Variants in PLCL1 observed in about 807,000 individuals in gnomAD.
PLCL1 encodes phospholipase C like 1 (inactive).
PLCL1 carries 41 observed loss-of-function variants against 84.4 expected under a neutral mutation model. That is an observed-to-expected ratio of 0.49 (90% CI 0.38 to 0.63). The LOEUF (loss-of-function observed/expected upper bound fraction) is 0.63. Among genes scored for constraint, PLCL1 ranks in the 30% least tolerant of loss-of-function variants. The probability of loss-of-function intolerance (pLI) is 0.00; values close to 1 mark genes in which losing one functional copy is unlikely to be tolerated. For synonymous variants in PLCL1, 490 were observed against 488.3 expected, an observed-to-expected ratio of 1.00 and a Z score of -0.05; for missense variants, 1,206 against 1,367.8, an observed-to-expected ratio of 0.88 and a Z score of 1.87.
chr2:197,860,466 A>G (rs1351336383), intron 1 of PLCL1, among the ~76,000 whole-genome samples: 1 of 152,196 alleles, frequency 6.6e-6, no homozygotes, highest in Non-Finnish European at 1.5e-5. Context: ...GCTTTCCACA[A>G]TGGTTGAACT....
At chr2:197,886,835 G>T (rs530569789) in intron 1 of PLCL1, among the ~76,000 whole-genome samples, 1 of 152,150 alleles carries the variant, frequency 6.6e-6, no homozygotes, top group Non-Finnish European at 1.5e-5. Context: ...GGTTTAGCTC[G>T]GGGCAGTAGG....
chr2:197,981,368 A>G (rs966189448), intron 1 of PLCL1, among the ~76,000 whole-genome samples: 10 of 152,250 alleles, frequency 6.6e-5, no homozygotes, highest in Non-Finnish European at 1.5e-5. Flanking sequence ...AAGTTAGGAA[A>G]GAGCAAAATC....
At chr2:198,103,536 T>C (rs982824056) in intron 4 of PLCL1, among the ~76,000 whole-genome samples, 1 of 152,030 alleles carries the variant, frequency 6.6e-6, no homozygotes, top group African/African-American at 2.4e-5. Flanking sequence ...TATTCATTCT[T>C]CCTATTTTTT....
chr2:197,950,187 G>A (rs149222083), intron 1 of PLCL1, among the ~76,000 whole-genome samples: 43 of 152,230 alleles, frequency 2.8e-4, no homozygotes, highest in African/African-American at 1.4e-4. Context: ...CATTAAACCC[G>A]TGCTTCTGAC....
At chr2:197,971,373 A>G (rs1689860136) in intron 1 of PLCL1, among the ~76,000 whole-genome samples, 1 of 152,246 alleles carries the variant, frequency 6.6e-6, no homozygotes, top group African/African-American at 2.4e-5. Context: ...AAGGAACAAC[A>G]TACCTTAACA....
intron 1 of PLCL1, among the ~76,000 whole-genome samples, chr2:197,869,570 A>G (rs1687612223): frequency 6.6e-6 from 1 of 152,156 alleles, no homozygotes; most frequent in Non-Finnish European, 1.5e-5. Context: ...GATCATGTGA[A>G]GGAAGGAACA....
chr2:197,892,770 G>A (rs186915989), intron 1 of PLCL1, among the ~76,000 whole-genome samples: 97 of 152,176 alleles, frequency 6.4e-4, no homozygotes, highest in African/African-American at 2.2e-3. Context: ...TGAGGTGGGC[G>A]GATCACGAGG....
chr2:198,006,749 C>T (rs1221625788), intron 1 of PLCL1, among the ~76,000 whole-genome samples: 1 of 152,108 alleles, frequency 6.6e-6, no homozygotes, highest in Non-Finnish European at 1.5e-5. Flanking sequence ...AAGAATGAGA[C>T]TAGAGCATTT....
intron 1 of PLCL1, among the ~76,000 whole-genome samples, chr2:198,006,107 T>C (rs1459721935): frequency 6.6e-6 from 1 of 152,196 alleles, no homozygotes; most frequent in African/African-American, 2.4e-5. Flanking sequence ...CACCAGTTTC[T>C]TCCCTTCTAG....
chr2:198,140,103 T>G (rs1368359528), intron 5 of PLCL1, among the ~76,000 whole-genome samples: 2 of 152,014 alleles, frequency 1.3e-5, no homozygotes, highest in Admixed American at 6.6e-5. Context: ...CCAGCTAATT[T>G]TTGTTCTTTT....
At chr2:198,083,538 G>A (rs1023260865) in intron 1 of PLCL1, among the ~76,000 whole-genome samples, 1 of 152,110 alleles carries the variant, frequency 6.6e-6, no homozygotes, top group Non-Finnish European at 1.5e-5. Flanking sequence ...TGTTTCAAAG[G>A]CCACATAGGC....
chr2:197,965,351 G>A (rs1435940900), intron 1 of PLCL1, among the ~76,000 whole-genome samples: 1 of 152,046 alleles, frequency 6.6e-6, no homozygotes, highest in Non-Finnish European at 1.5e-5. Flanking sequence ...TTGGCATATA[G>A]TTGCTCATAG....
intron 1 of PLCL1, among the ~76,000 whole-genome samples, chr2:198,050,209 C>T (rs1691892446): frequency 6.6e-6 from 1 of 152,196 alleles, no homozygotes; most frequent in Non-Finnish European, 1.5e-5. Flanking sequence ...GGACATCTGT[C>T]TGCCGAGGCC....
chr2:197,887,902 G>A (rs1375999010), intron 1 of PLCL1, among the ~76,000 whole-genome samples: 4 of 151,978 alleles, frequency 2.6e-5, no homozygotes, highest in African/African-American at 7.2e-5. Flanking sequence ...TCAGGAGTTC[G>A]AGACCAGCCT....
At chr2:197,997,953 C>A (rs538820320) in intron 1 of PLCL1, among the ~76,000 whole-genome samples, 2 of 152,262 alleles carry the variant, frequency 1.3e-5, no homozygotes, top group African/African-American at 4.8e-5. Flanking sequence ...TAAATACCTT[C>A]TGGGTATTAA....
At chr2:197,897,191 C>CTTCTCCTTCTTCTCCTT (rs1688165568) in intron 1 of PLCL1, among the ~76,000 whole-genome samples, 5 of 32,244 alleles carry the variant, frequency 1.6e-4, no homozygotes, top group South Asian at 1.1e-3. Flanking sequence ...TTCTTCTTCT[C>CTTCTCCTTCTTCTCCTT]CTTCTCCTTC....
At chr2:198,113,899 C>T (rs1055962627) in intron 5 of PLCL1, among the ~76,000 whole-genome samples, 3 of 151,478 alleles carry the variant, frequency 2.0e-5, no homozygotes, top group Non-Finnish European at 4.4e-5. Flanking sequence ...GTTTTATAAC[C>T]ATGTGTATCC....
chr2:198,111,858 A>T (rs573898523), intron 5 of PLCL1, among the ~76,000 whole-genome samples: 1 of 151,880 alleles, frequency 6.6e-6, no homozygotes, highest in Non-Finnish European at 1.5e-5. Flanking sequence ...TGTATCAAGT[A>T]TCCTACCAAG....
chr2:198,001,565 G>C (rs1305696816), intron 1 of PLCL1, among the ~76,000 whole-genome samples: 1 of 152,166 alleles, frequency 6.6e-6, no homozygotes, highest in Non-Finnish European at 1.5e-5. Context: ...TATACAGAAT[G>C]TTCTCTTCCC....
Sources: allele counts gnomAD v4.1 joint callset (sites outside exome capture counted in the v4.1 genomes callset), GRCh38; gene constraint gnomAD v4.1.1; transcripts MANE v1.5; gene names NCBI Gene and HGNC (gene_info 2026-07-23, HGNC 2026-07-21).